MARK3: variants seen among roughly 807,000 people sequenced by gnomAD.
The protein encoded by MARK3 is microtubule affinity regulating kinase 3.
Under a neutral mutation model 90.1 loss-of-function variants are expected in MARK3, and 46 were observed. That is an observed-to-expected ratio of 0.51 (90% CI 0.40 to 0.65). The LOEUF (loss-of-function observed/expected upper bound fraction) is 0.65, where lower values mean the gene tolerates loss of function less well. Among genes scored for constraint, MARK3 ranks in the 30% least tolerant of loss-of-function variants. The pLI is 0.00. For missense variants in MARK3, 818 were observed against 947.2 expected (o/e 0.86, Z 1.79); for synonymous variants, 321 against 332.6 (o/e 0.97, Z 0.38).
intron 4 of MARK3, among the ~76,000 whole-genome samples, 173 bp downstream of exon 4, chr14:103,449,140 A>G (rs539430109): frequency 6.6e-6 from 1 of 152,158 alleles, no homozygotes; most frequent in South Asian, 2.1e-4. Flanking sequence ...TTAAAAGCTT[A>G]GGTATTAAAC....
chr14:103,403,975 A>G (rs912995705), intron 1 of MARK3, among the ~76,000 whole-genome samples: 2 of 152,242 alleles, frequency 1.3e-5, no homozygotes, highest in Non-Finnish European at 2.9e-5. Flanking sequence ...TAAAACAGAC[A>G]AGAGCCTATC....
At chr14:103,466,795 G>A (rs770598010) in intron 10 of MARK3, among the ~76,000 whole-genome samples, 1 of 151,790 alleles carries the variant, frequency 6.6e-6, no homozygotes, top group African/African-American at 2.4e-5. Context: ...ACCTGAGGTC[G>A]GGAGGTCGAG....
At chr14:103,415,282 G>T (rs941247873) in intron 2 of MARK3, among the ~76,000 whole-genome samples, 6 of 151,026 alleles carry the variant, frequency 4.0e-5, no homozygotes, top group Non-Finnish European at 7.4e-5. Flanking sequence ...ACACTCTGAA[G>T]ACCATTTTAA....
intron 6 of MARK3, among the ~76,000 whole-genome samples, chr14:103,457,925 A>G (rs533419115): frequency 5.3e-5 from 8 of 152,300 alleles, no homozygotes; most frequent in African/African-American, 1.9e-4. Flanking sequence ...ATTGTGGAGA[A>G]CGGGGTCTCG....
chr14:103,391,924 C>T (rs1312464998), intron 1 of MARK3, among the ~76,000 whole-genome samples: 1 of 151,966 alleles, frequency 6.6e-6, no homozygotes, highest in Non-Finnish European at 1.5e-5. Context: ...TTATATGGAG[C>T]CACGGATACA....
At chr14:103,477,013 G>A (rs1158858273) in intron 13 of MARK3, among the ~76,000 whole-genome samples, 1 of 152,140 alleles carries the variant, frequency 6.6e-6, no homozygotes, top group Non-Finnish European at 1.5e-5. Context: ...TACACACGCT[G>A]CCCTTCTGAA....
At chr14:103,428,518 C>G in intron 3 of MARK3, 78 bp downstream of exon 3, 4 of 766,378 alleles carry the variant, frequency 5.2e-6, no homozygotes, top group Non-Finnish European at 8.5e-6. Flanking sequence ...CTTAAATACC[C>G]CAACTGTTAT....
intron 4 of MARK3, among the ~76,000 whole-genome samples, chr14:103,449,560 G>A (rs1158330431): frequency 6.6e-6 from 1 of 152,128 alleles, no homozygotes; most frequent in Non-Finnish European, 1.5e-5. Context: ...AATTGTGATA[G>A]GAATTATTTT....
intron 3 of MARK3, among the ~76,000 whole-genome samples, chr14:103,447,815 G>A (rs1031816680): frequency 7.9e-5 from 12 of 151,868 alleles, no homozygotes; most frequent in Non-Finnish European, 1.6e-4. Flanking sequence ...TCGCTTTGTC[G>A]CCCAGGCTGG....
intron 12 of MARK3, among the ~76,000 whole-genome samples, 180 bp from the exon 13 acceptor site, chr14:103,474,813 A>G (rs1462719630): frequency 2.0e-5 from 3 of 152,226 alleles, no homozygotes; most frequent in East Asian, 1.9e-4. Context: ...AAATTTCAAT[A>G]TTGAATTCAT....
intron 1 of MARK3, among the ~76,000 whole-genome samples, chr14:103,400,754 T>C (rs1314784491): frequency 6.6e-6 from 1 of 151,636 alleles, no homozygotes; most frequent in African/African-American, 2.4e-5. Flanking sequence ...ACATCAGCCA[T>C]GTGTGGTGTA....
intron 2 of MARK3, chr14:103,412,191 C>G (rs922020197): frequency 2.5e-6 from 3 of 1,206,734 alleles, no homozygotes; most frequent in Non-Finnish European, 3.5e-6. Context: ...AGTTTTTTCT[C>G]GAGCAGTGAC....
chr14:103,463,822 G>A (rs1012393361), intron 7 of MARK3, among the ~76,000 whole-genome samples: 13 of 152,142 alleles, frequency 8.5e-5, no homozygotes, highest in African/African-American at 2.9e-4. Flanking sequence ...GCTTCCCATT[G>A]CTCTTACGAT....
intron 1 of MARK3, among the ~76,000 whole-genome samples, chr14:103,392,191 C>G (rs941161866): frequency 9.9e-5 from 15 of 152,198 alleles, no homozygotes; most frequent in African/African-American, 3.6e-4. Context: ...ACTGAATTAA[C>G]CTATTCAGCA....
At chr14:103,417,757 C>T (rs947473439) in intron 2 of MARK3, among the ~76,000 whole-genome samples, 1 of 152,058 alleles carries the variant, frequency 6.6e-6, no homozygotes, top group Non-Finnish European at 1.5e-5. Context: ...CTTCATCTTC[C>T]ATTCTTTCTG....
intron 2 of MARK3, among the ~76,000 whole-genome samples, chr14:103,407,192 A>G (rs999784294): frequency 2.6e-5 from 4 of 152,192 alleles, no homozygotes; most frequent in Admixed American, 2.6e-4. Flanking sequence ...GAGTGTTTAA[A>G]TAGTCTTTAC....
At chr14:103,396,660 G>A (rs991803908) in intron 1 of MARK3, among the ~76,000 whole-genome samples, 2 of 152,094 alleles carry the variant, frequency 1.3e-5, no homozygotes, top group Non-Finnish European at 1.5e-5. Context: ...GTAGAGTAGC[G>A]TTTCCCCTTT....
chr14:103,501,738 G>A (rs1409854688), intron 17 of MARK3, among the ~76,000 whole-genome samples: 1 of 151,978 alleles, frequency 6.6e-6, no homozygotes, highest in Non-Finnish European at 1.5e-5. Context: ...TGCTGCCACT[G>A]TTGTCTCACC....
chr14:103,411,951 CTT>C (rs56292310), intron 2 of MARK3, among the ~76,000 whole-genome samples: 58 of 143,228 alleles, frequency 4.0e-4, no homozygotes, highest in Middle Eastern at 3.5e-3. Context: ...ATTTTCATAG[CTT>C]TTTTTTTTTT....
Sources: gnomAD v4.1 joint callset for allele counts (sites outside exome capture counted in the v4.1 genomes callset) on GRCh38, gnomAD v4.1.1 for gene constraint, MANE v1.5 for transcripts, NCBI Gene and HGNC (gene_info 2026-07-23, HGNC 2026-07-21) for gene names.